The following MED16 variants were observed in gnomAD, a reference collection of about 807,000 sequenced individuals.
MED16 encodes mediator of RNA polymerase II transcription subunit 16.
Under a neutral mutation model 84.4 loss-of-function variants are expected in MED16, and 81 were observed. The ratio of observed to expected loss-of-function variants is 0.96; its 90% CI spans 0.80 to 1.15. MED16 has a LOEUF of 1.15. Among genes scored for constraint, MED16 ranks in the 50% most tolerant of loss-of-function variants. MED16 has a pLI of 0.00. For missense variants in MED16, 1,585 were observed against 1,245.9 expected (o/e 1.27, Z -4.10); for synonymous variants, 897 against 552.2 (o/e 1.62, Z -8.76).
chr19:868,558 G>A (rs1216638417), intron 14 of MED16, 59 bp from the exon 15 acceptor site: 8 of 1,585,600 alleles, frequency 5.0e-6, no homozygotes, highest in African/African-American at 1.3e-5. Flanking sequence ...CCTTACGCCT[G>A]CCCCACTTTT....
At chr19:870,742 G>A (rs536881405) in intron 13 of MED16, among the ~76,000 whole-genome samples, 12 of 151,852 alleles carry the variant, frequency 7.9e-5, no homozygotes, top group Non-Finnish European at 1.5e-4. Context: ...TGGATTCGGG[G>A]GGGTCCTGGG....
At chr19:874,371 CA>C (rs944267260) in intron 10 of MED16, among the ~76,000 whole-genome samples, 71 of 152,312 alleles carry the variant, frequency 4.7e-4, no homozygotes, top group African/African-American at 1.7e-3. Flanking sequence ...GTTGGCCTCC[CA>C]AAGTGCTGGG....
intron 5 of MED16, among the ~76,000 whole-genome samples, chr19:885,459 G>C (rs529728663): frequency 1.7e-3 from 264 of 152,236 alleles, no homozygotes; most frequent in Middle Eastern, 0.017. Context: ...ACGTTGGGGG[G>C]GGTCCGGGGG....
intron 1 of MED16, among the ~76,000 whole-genome samples, chr19:891,651 C>T (rs1413760310): frequency 3.8e-5 from 5 of 130,390 alleles, no homozygotes; most frequent in Admixed American, 1.6e-4. Flanking sequence ...CACCTGTGGC[C>T]GAGGCGGGGG....
intron 13 of MED16, 102 bp downstream of exon 13, chr19:870,935 G>A (rs2036034483): frequency 4.9e-6 from 6 of 1,221,540 alleles, no homozygotes; most frequent in Non-Finnish European, 1.1e-6. Context: ...GGGGACCTGG[G>A]GCAGGACATG....
At chr19:888,754 GC>G (rs2145253331) in intron 4 of MED16, among the ~76,000 whole-genome samples, 1 of 152,312 alleles carries the variant, frequency 6.6e-6, no homozygotes, top group African/African-American at 2.4e-5. Flanking sequence ...GTGGCACGAA[GC>G]CGGTGCTGCG....
chr19:877,266 A>ACGTGTGTGGATCTGTGTGCGCGCACGCC, intron 8 of MED16, 86 bp from the exon 9 acceptor site: 1 of 1,334,906 alleles, frequency 7.5e-7, no homozygotes, highest in Non-Finnish European at 1.0e-6. Context: ...GGGCTGCGGC[A>ACGTGTGTGGATCTGTGTGCGCGCACGCC]CGTGTGTGGA....
chr19:890,851 G>C, intron 2 of MED16, 112 bp downstream of exon 2: 2 of 1,192,220 alleles, frequency 1.7e-6, no homozygotes, highest in Non-Finnish European at 2.3e-6. Flanking sequence ...GCCAGGGTGA[G>C]TGAGAGGTGG....
At chr19:889,566 G>C (rs2036591607) in intron 4 of MED16, 72 bp downstream of exon 4, 2 of 1,530,682 alleles carry the variant, frequency 1.3e-6, no homozygotes, top group Non-Finnish European at 8.8e-7. Context: ...ATGGAGAGGA[G>C]AGGGGCTGGC....
intron 8 of MED16, 30 bp from the exon 9 acceptor site, chr19:877,210 GGT>G: frequency 3.2e-6 from 5 of 1,582,320 alleles, no homozygotes; most frequent in Non-Finnish European, 4.3e-6. Context: ...AGGAGAGCCC[GGT>G]GAGATGGGGC....
At chr19:869,157 G>C (rs140386082) in intron 13 of MED16, among the ~76,000 whole-genome samples, 1 of 152,156 alleles carries the variant, frequency 6.6e-6, no homozygotes, top group Admixed American at 6.6e-5. Flanking sequence ...CACGGAGGAG[G>C]GTTGGTCTCC....
chr19:870,566 CAAAAAA>C (rs1227950208), intron 13 of MED16, among the ~76,000 whole-genome samples: 1 of 103,700 alleles, frequency 9.6e-6, no homozygotes, highest in Non-Finnish European at 1.9e-5. Flanking sequence ...GTCGGGGAGA[CAAAAAA>C]AAAAAAAAAA....
chr19:873,287 G>T (rs1209427139), intron 11 of MED16, among the ~76,000 whole-genome samples, 162 bp downstream of exon 11: 1 of 139,400 alleles, frequency 7.2e-6, no homozygotes. Flanking sequence ...GGGACTCCAA[G>T]CAGGGGCGGG....
At position 884,986 on chromosome 19, in the gene MED16, T is replaced by G. The variant is rs1254130307; in HGVS notation, c.902A>C (p.Gln301Pro). 1 of 1,605,486 alleles carries G rather than the reference T, an allele frequency of 6.2e-7. No individual in the cohort carries two copies. Among genetic ancestry groups the G allele is most frequent in the Admixed American group, 1.7e-5 (1 of 59,534 alleles). ...SEQVLLCASSQTSSIVECWSL... is the reference protein window; with the variant it reads ...SEQVLLCASSPTSSIVECWSL... The stretch of plus-strand genomic sequence containing the variant: ...CCAGCACTCCACGATGCTGCTGGTC[T>G]GGCTGGACGCGCACAAAAGCACCTG... Residue 301 changes from glutamine (Q) to proline (P), a missense_variant, in exon 6 of 16, where the codon CAG becomes CCG. Physicochemically the swap from Gln to Pro is moderately conservative, Grantham distance 76 (BLOSUM62 -1). Coordinates refer to ENST00000325464, the MANE Select transcript of MED16 (RefSeq NM_005481.3).
chr19:874,602 C>T (rs1005191643), intron 10 of MED16, among the ~76,000 whole-genome samples: 3 of 152,228 alleles, frequency 2.0e-5, no homozygotes, highest in South Asian at 4.1e-4. Flanking sequence ...ACCCGGGTGC[C>T]GGGTGTCGGC....
At chr19:874,081 CCA>C in intron 10 of MED16, among the ~76,000 whole-genome samples, 1 of 152,272 alleles carries the variant, frequency 6.6e-6, no homozygotes, top group Non-Finnish European at 1.5e-5. Flanking sequence ...TGCCACGTGT[CCA>C]CACTCAACCG....
chr19:887,447 C>A (rs549015357), intron 4 of MED16, among the ~76,000 whole-genome samples: 71 of 152,208 alleles, frequency 4.7e-4, no homozygotes, highest in Non-Finnish European at 9.1e-4. Flanking sequence ...GCGGGCAGAT[C>A]TCAAGGTCAG....
In MED16 at chr19:868,049, CGAG is replaced by C. The variant is rs1010652861; in HGVS notation, c.*49_*51del. The C allele has an allele frequency of 5.2e-6, 8 of 1,551,166 alleles. No homozygotes were observed. In the Admixed American group the frequency reaches 1.0e-4, roughly 20 times the overall value. ...CTCTCCGCGGGTGAGGCAAGGAAAC[CGAG>C]GAGACGCCCGAGCCGGGTCACCACA... On this transcript the variant is annotated 3_prime_UTR_variant, in exon 16 of 16. Coordinates refer to ENST00000325464, the MANE Select transcript of MED16 (RefSeq NM_005481.3).
At chr19:875,925 A>G (rs2036219227) in intron 9 of MED16, among the ~76,000 whole-genome samples, 2 of 152,210 alleles carry the variant, frequency 1.3e-5, no homozygotes, top group South Asian at 2.1e-4. Flanking sequence ...GAGCCTGTGC[A>G]ACGTAGGACA....
Sources: allele counts gnomAD v4.1 joint callset (sites outside exome capture counted in the v4.1 genomes callset), GRCh38; gene constraint gnomAD v4.1.1; transcripts MANE v1.5; gene names NCBI Gene and HGNC (gene_info 2026-07-23, HGNC 2026-07-21).